Variants in SLC40A1 observed in about 807,000 individuals in gnomAD.
SLC40A1 encodes ferroportin.
A neutral mutation model predicts 53.5 loss-of-function variants in SLC40A1; 16 were observed. The ratio of observed to expected loss-of-function variants is 0.30; its 90% CI spans 0.20 to 0.45. The LOEUF is 0.45. Ranked by LOEUF, SLC40A1 falls within the 20% of genes least tolerant of loss-of-function variation. SLC40A1 has a pLI of 1.00. For synonymous variants in SLC40A1, 247 were observed against 253.2 expected (o/e 0.98, Z 0.23); for missense variants, 545 against 695.4 (o/e 0.78, Z 2.43).
In SLC40A1 at chr2:189,561,975, C is replaced by G; in HGVS notation, c.1619G>C (p.Arg540Pro). 1 of 1,614,048 alleles carries G rather than the reference C, an allele frequency of 6.2e-7. No individual in the cohort carries two copies. Among genetic ancestry groups the G allele is most frequent in the Non-Finnish European group, 8.5e-7 (1 of 1,179,968 alleles). ...GTTTCCCAGAGTATTTTGGGCAAAT[C>G]GGAAATACATAATGTGGCCCATTGC... is the stretch of plus-strand genomic sequence containing the variant. Reference protein sequence around the residue: ...FVAMGHIMYFRFAQNTLGNKL... With the variant: ...FVAMGHIMYFPFAQNTLGNKL... The change falls in exon 8 of 8, where the codon CGA becomes CCA. Residue 540 changes from arginine (R) to proline (P), a missense_variant. Physicochemically the swap from Arg to Pro is moderately radical, Grantham distance 103. Coordinates refer to ENST00000261024, the MANE Select transcript of SLC40A1 (RefSeq NM_014585.6).
chr2:189,579,707 C>A (rs527884542), intron 2 of SLC40A1, 106 bp downstream of exon 2: 7 of 986,374 alleles, frequency 7.1e-6, no homozygotes, highest in Admixed American at 5.2e-5. Flanking sequence ...TGATTTATTT[C>A]TTTAACTGCT....
In SLC40A1 at chr2:189,563,565, A is replaced by G. The variant is rs1466807717; in HGVS notation, c.1402+19T>C. The G allele has an allele frequency of 6.2e-7, 1 of 1,609,114 alleles. No homozygotes were observed. The highest frequency in any genetic ancestry group is 8.5e-7 in the Non-Finnish European group (1 of 1,176,710). On this transcript the variant is annotated intron_variant, in intron 7 of 7. Transcript: ENST00000261024. ...AAAAGACACTTTAGTTCATTAATATATAAAAAGAGATTTCTTACCGATTCT... is the reference window on the plus strand; with the variant it reads ...AAAAGACACTTTAGTTCATTAATATGTAAAAAGAGATTTCTTACCGATTCT...
Position 189,570,041 on chromosome 2 carries a change from T to C in SLC40A1, c.514+1674A>G, listed in dbSNP as rs201027734. Among the ~76,000 whole-genome samples, 1,292 of 138,276 alleles carry C rather than the reference T, an allele frequency of 9.3e-3. 27 individuals are homozygous for C. The highest frequency in any genetic ancestry group is 0.072 in the East Asian group (346 of 4,830). The allele number at this position is 138,276 out of a possible 152,430, so 90.7% of individuals were successfully genotyped here. A position where few individuals can be genotyped will look rare whatever the true frequency, so the allele number is the denominator to read the frequency against. Reference sequence around the variant, plus strand: ...ACACCTATATATGTATGTATATATATATACACACACCTATATATGTATGTA... The same window carrying C: ...ACACCTATATATGTATGTATATATACATACACACACCTATATATGTATGTA... On this transcript the variant is annotated intron_variant, in intron 5 of 7. Transcript: ENST00000261024.
At chr2:189,570,051 CCTATA>C in intron 5 of SLC40A1, among the ~76,000 whole-genome samples, 1 of 117,346 alleles carries the variant, frequency 8.5e-6, no homozygotes, top group Non-Finnish European at 1.9e-5. Context: ...TATACACACA[CCTATA>C]TATGTATGTA....
intron 2 of SLC40A1, chr2:189,578,189 C>T (rs1442561817): frequency 3.0e-6 from 3 of 984,588 alleles, no homozygotes; most frequent in Non-Finnish European, 3.6e-6. Flanking sequence ...GAGTGCCACA[C>T]AAGAGAAAAA....
chr2:189,562,937 A>C (rs2105619295), intron 7 of SLC40A1, among the ~76,000 whole-genome samples: 1 of 152,138 alleles, frequency 6.6e-6, no homozygotes, highest in South Asian at 2.1e-4. Flanking sequence ...CTATGGGAAT[A>C]TTTTCTAAAC....
chr2:189,580,315 T>C (rs2031419051), intron 1 of SLC40A1, 103 bp downstream of exon 1: 1 of 1,171,380 alleles, frequency 8.5e-7, no homozygotes, highest in Non-Finnish European at 1.3e-6. Flanking sequence ...TACAAAGCTA[T>C]GGTTCACAGC....
At position 189,563,564 on chromosome 2, in the gene SLC40A1, T is replaced by C. The variant is rs1363612669; in HGVS notation, c.1402+20A>G. 1.2e-6 allele frequency: 2 copies of C among 1,608,056 alleles called. No homozygotes were observed. The highest frequency in any genetic ancestry group is 1.7e-6 in the Non-Finnish European group (2 of 1,175,882). ...AAAAAGACACTTTAGTTCATTAATA[T>C]ATAAAAAGAGATTTCTTACCGATTC... On this transcript the variant is annotated intron_variant, in intron 7 of 7. Coordinates refer to ENST00000261024, the MANE Select transcript of SLC40A1 (RefSeq NM_014585.6).
Position 189,571,568 on chromosome 2 carries a change from A to G in SLC40A1, c.514+147T>C, listed in dbSNP as rs2031126131. 6 of 1,336,302 alleles carry G rather than the reference A, an allele frequency of 4.5e-6. No homozygotes were observed. In the Admixed American group the frequency reaches 1.3e-4, roughly 29 times the overall value. 82.8% of individuals were successfully genotyped at this position (1,336,302 alleles called of 1,614,324 possible). ...AGATAAATCAGCACTAAAACTGACA[A>G]TAAGGTAAGAAAAAAAGTATGCTTT... is the stretch of plus-strand genomic sequence containing the variant. On this transcript the variant is annotated intron_variant, in intron 5 of 7. Transcript: ENST00000261024.
At chr2:189,577,277 A>AGCAGCGCACAAAAGGTTTTCAT (rs2031318019) in intron 2 of SLC40A1, among the ~76,000 whole-genome samples, 1 of 152,212 alleles carries the variant, frequency 6.6e-6, no homozygotes, top group Admixed American at 6.5e-5. Flanking sequence ...CTAGAGCTTC[A>AGCAGCGCACAAAAGGTTTTCAT]GCAGCGCACA....
At chr2:189,571,095 T>C (rs2031111243) in intron 5 of SLC40A1, among the ~76,000 whole-genome samples, 1 of 152,174 alleles carries the variant, frequency 6.6e-6, no homozygotes, top group South Asian at 2.1e-4. Flanking sequence ...CATGTTGCCT[T>C]GTAAGCATTC....
At chr2:189,573,853 G>A (rs2031209186) in intron 3 of SLC40A1, among the ~76,000 whole-genome samples, 1 of 152,164 alleles carries the variant, frequency 6.6e-6, no homozygotes, top group Non-Finnish European at 1.5e-5. Flanking sequence ...GCTGCTTACT[G>A]AAAGCAGTCT....
intron 4 of SLC40A1, chr2:189,572,548 CACAA>C (rs1313952124): frequency 8.3e-5 from 37 of 444,078 alleles, no homozygotes; most frequent in Non-Finnish European, 1.3e-4. Flanking sequence ...TATTAAATAG[CACAA>C]ACAAAGTATA....
Position 189,561,997 on chromosome 2 carries a change from T to C in SLC40A1, c.1597A>G (p.Met533Val), listed in dbSNP as rs769128680. The change falls in exon 8 of 8, where the codon ATG becomes GTG. Residue 533 changes from methionine (M) to valine (V), a missense_variant. Met to Val is a conservative substitution (Grantham distance 21). Around this residue, in one of 4 missense-constraint regions of SLC40A1, gnomAD observed 234 missense variants for 299.0 expected, o/e 0.78. Transcript: ENST00000261024. ...AATCGGAAATACATAATGTGGCCCA[T>C]TGCCACAAAGGAGACTGAAATCAAT... ...LVLISVSFVA[M>V]GHIMYFRFAQ... 23 of 1,613,914 alleles carry C rather than the reference T, an allele frequency of 1.4e-5. No individual in the cohort carries two copies. Among genetic ancestry groups the C allele is most frequent in the Non-Finnish European group, 1.9e-5 (22 of 1,179,806 alleles).
intron 5 of SLC40A1, among the ~76,000 whole-genome samples, chr2:189,570,114 A>G (rs1461951148): frequency 6.6e-6 from 1 of 150,978 alleles, no homozygotes; most frequent in African/African-American, 2.4e-5. Flanking sequence ...ATATATGTGT[A>G]TATATATGTG....
intron 2 of SLC40A1, among the ~76,000 whole-genome samples, chr2:189,575,910 G>A (rs1317449728): frequency 1.3e-5 from 2 of 152,180 alleles, no homozygotes; most frequent in Non-Finnish European, 2.9e-5. Context: ...ATTGGAAAGA[G>A]GAGTAGTAAC....
Position 189,561,903 on chromosome 2 carries a change from T to C in SLC40A1, c.1691A>G (p.Asn564Ser). Reference protein sequence around the residue: ...GPDAKEVRKENQANTSVV With the variant: ...GPDAKEVRKESQANTSVV ...TCAAACAACAGATGTATTTGCTTGA[T>C]TTTCCTTCCTAACTTCTTTTGCATC... is the stretch of plus-strand genomic sequence containing the variant. Residue 564 changes from asparagine (N) to serine (S), a missense_variant, in exon 8 of 8, where the codon AAT (asparagine) becomes AGT (serine). This residue lies in a region of SLC40A1 where 234 missense variants were observed against 299.0 expected (regional missense o/e 0.78). Coordinates refer to ENST00000261024, the MANE Select transcript of SLC40A1 (RefSeq NM_014585.6). 1 of 1,614,124 alleles carries C rather than the reference T, an allele frequency of 6.2e-7. No homozygotes were observed. The highest frequency in any genetic ancestry group is 8.5e-7 in the Non-Finnish European group (1 of 1,179,982).
At chr2:189,574,257 G>C (rs2031223415) in intron 3 of SLC40A1, among the ~76,000 whole-genome samples, 2 of 152,126 alleles carry the variant, frequency 1.3e-5, no homozygotes, top group Admixed American at 1.3e-4. Context: ...ATGTTCCTAT[G>C]TATAATGATG....
chr2:189,578,261 A>G (rs2031353850), intron 2 of SLC40A1: 20 of 1,000,318 alleles, frequency 2.0e-5, no homozygotes, highest in Middle Eastern at 2.8e-4. Context: ...TTTGCAGCGG[A>G]AAGGAGTAAA....
Sources: allele counts gnomAD v4.1 joint callset (sites outside exome capture counted in the v4.1 genomes callset), GRCh38; gene constraint gnomAD v4.1.1; regional missense constraint gnomAD v4.1.1; transcripts MANE v1.5; gene names NCBI Gene and HGNC (gene_info 2026-07-23, HGNC 2026-07-21).